The following TUBGCP4 variants were observed in gnomAD, a reference collection of about 807,000 sequenced individuals.
TUBGCP4 encodes the protein gamma-tubulin complex component 4.
A neutral mutation model predicts 91.6 loss-of-function variants in TUBGCP4; 54 were observed. That is an observed-to-expected ratio of 0.59 (90% confidence interval 0.47 to 0.74). TUBGCP4 has a LOEUF of 0.74. Ranked by LOEUF, TUBGCP4 falls within the 30% of genes least tolerant of loss-of-function variation. The pLI, the probability that TUBGCP4 is intolerant of heterozygous loss-of-function variation, is 0.00. For missense variants in TUBGCP4, 593 were observed against 800.9 expected (o/e 0.74, Z 3.13); for synonymous variants, 297 against 302.8 (o/e 0.98, Z 0.20).
rs2044865109 is a variant in TUBGCP4, at chr15:43,406,095, G to GA, written c.*887dup. ...TATTCTCCAAGAAAAAGGTCCTTAA[G>GA]AAAAAATTGAGATCAAGTTGTTAGA... On this transcript the variant is annotated 3_prime_UTR_variant, in exon 18 of 18. Coordinates refer to ENST00000564079, the MANE Select transcript of TUBGCP4 (RefSeq NM_014444.5). 1.6e-5 allele frequency: 2 copies of GA among 123,780 alleles called. No individual in the cohort carries two copies. Among genetic ancestry groups the GA allele is most frequent in the Admixed American group, 1.6e-4 (2 of 12,790 alleles). 7.7% of individuals were successfully genotyped at this position (123,780 alleles called of 1,614,324 possible).
chr15:43,409,164 A>C lies in TUBGCP4; in HGVS notation c.*3950A>C. ...TGGAAAGCTCCTAAGCAGCAGCCATAATGAGCCATGAAGAGCAGATCTGAA... is the reference window on the plus strand; with the variant it reads ...TGGAAAGCTCCTAAGCAGCAGCCATCATGAGCCATGAAGAGCAGATCTGAA... On this transcript the variant is annotated 3_prime_UTR_variant, in exon 18 of 18. Transcript: ENST00000564079. 6.8e-7 allele frequency: 1 copy of C among 1,471,264 alleles called. No individual in the cohort carries two copies. Among genetic ancestry groups the C allele is most frequent in the Non-Finnish European group, 9.5e-7 (1 of 1,057,562 alleles). The allele number at this position is 1,471,264 out of a possible 1,614,324, so 91.1% of individuals were successfully genotyped here.
chr15:43,391,679 C>T (rs2142840510), intron 9 of TUBGCP4: 2 of 152,400 alleles, frequency 1.3e-5, no homozygotes, highest in African/African-American at 4.8e-5. Context: ...TCTGCCCCAG[C>T]CTCCCAAGTA....
rs200279819 is a variant in TUBGCP4, at chr15:43,386,305, A to G, written c.989A>G (p.Asp330Gly). The G allele has an allele frequency of 7.5e-5, 115 of 1,535,642 alleles. No homozygotes were observed. The highest frequency in any genetic ancestry group is 9.4e-5 in the Non-Finnish European group (107 of 1,140,964). Reference sequence around the variant, plus strand: ...TTGGTGGACTTTGAACAGGTGGTGGATCGCATTCGCAGCACTGTGGCTGAG... The same window carrying G: ...TTGGTGGACTTTGAACAGGTGGTGGGTCGCATTCGCAGCACTGTGGCTGAG... Reference protein sequence around the residue: ...FSLVDFEQVVDRIRSTVAEHL... With the variant: ...FSLVDFEQVVGRIRSTVAEHL... The change falls in exon 9 of 18, where the codon GAT becomes GGT. Residue 330 changes from aspartate to glycine, a missense_variant. Asp to Gly is a moderately conservative substitution (Grantham distance 94, BLOSUM62 -1). Transcript: ENST00000564079.
intron 9 of TUBGCP4, among the ~76,000 whole-genome samples, chr15:43,386,590 T>G (rs2044377459): frequency 6.7e-6 from 1 of 148,928 alleles, no homozygotes; most frequent in African/African-American, 2.5e-5. Context: ...TCGGGTGTGG[T>G]GGCATGCACC....
chr15:43,383,279 C>G (rs948679045), intron 6 of TUBGCP4, 24 bp from the exon 7 acceptor site: 4 of 1,600,946 alleles, frequency 2.5e-6, no homozygotes, highest in East Asian at 2.2e-5. Flanking sequence ...GACTTCTGAG[C>G]CTCTTACTTT....
At chr15:43,376,712 G>A in intron 3 of TUBGCP4, 87 bp downstream of exon 3, 2 of 1,567,108 alleles carry the variant, frequency 1.3e-6, no homozygotes, top group African/African-American at 1.4e-5. Context: ...ATAAGATCAG[G>A]TAGTTAAGAG....
In TUBGCP4 at chr15:43,407,157, T is replaced by C. The variant is rs988431301; in HGVS notation, c.*1943T>C. 3.9e-6 allele frequency: 2 copies of C among 514,308 alleles called. No homozygotes were observed. The highest frequency in any genetic ancestry group is 7.0e-6 in the Non-Finnish European group (2 of 286,364). The allele number at this position is 514,308 out of a possible 1,614,324, so 31.9% of individuals were successfully genotyped here. ...CTGTTGAAAGACTCAGAGAAAGTAC[T>C]ATGTCTTGTCATTTGTTCTGAGATT... On this transcript the variant is annotated 3_prime_UTR_variant, in exon 18 of 18. Coordinates refer to ENST00000564079, the MANE Select transcript of TUBGCP4 (RefSeq NM_014444.5).
chr15:43,384,345 G>C (rs2044325907), intron 7 of TUBGCP4, among the ~76,000 whole-genome samples: 1 of 152,176 alleles, frequency 6.6e-6, no homozygotes, highest in Admixed American at 6.5e-5. Context: ...TGTGCTAAGG[G>C]CTCTGAAAAG....
At chr15:43,377,294 A>G (rs2044220031) in intron 4 of TUBGCP4, among the ~76,000 whole-genome samples, 1 of 152,176 alleles carries the variant, frequency 6.6e-6, no homozygotes, top group Admixed American at 6.5e-5. Flanking sequence ...CTATATGGAC[A>G]TCAGTATTAA....
intron 8 of TUBGCP4, 98 bp from the exon 9 acceptor site, chr15:43,386,108 G>T: frequency 6.5e-7 from 1 of 1,532,226 alleles, no homozygotes; most frequent in African/African-American, 1.4e-5. Context: ...TGAGAAGCAG[G>T]TGAAGTTGCT....
rs2044881323 is a variant in TUBGCP4 at position 43,406,428 on chromosome 15, T to C, written c.*1214T>C. On this transcript the variant is annotated 3_prime_UTR_variant, in exon 18 of 18. Transcript: ENST00000564079. The stretch of plus-strand genomic sequence containing the variant: ...CTACTGCTGTCTCTGGAGCAGGAGC[T>C]GGCAAACTATGGCCTGCTGTCTGTT... The C allele has an allele frequency of 2.9e-6, 1 of 346,936 alleles. No homozygotes were observed. The highest frequency in any genetic ancestry group is 3.7e-5 in the Admixed American group (1 of 27,396). 21.5% of individuals were successfully genotyped at this position (346,936 alleles called of 1,614,324 possible). A position where few individuals can be genotyped will look rare whatever the true frequency, so the allele number is the denominator to read the frequency against.
chr15:43,392,100 A>ACG (rs1261374770), intron 9 of TUBGCP4, among the ~76,000 whole-genome samples: 2 of 151,052 alleles, frequency 1.3e-5, no homozygotes, highest in African/African-American at 4.9e-5. Context: ...ACACACACAC[A>ACG]CACACACACA....
chr15:43,407,610 CAACTT>C lies in TUBGCP4; in HGVS notation c.*2398_*2402del, dbSNP rs1298578589. 4 of 1,559,306 alleles carry C rather than the reference CAACTT, an allele frequency of 2.6e-6. No homozygotes were observed. Among genetic ancestry groups the C allele is most frequent in the South Asian group, 2.3e-5 (2 of 86,352 alleles). On this transcript the variant is annotated 3_prime_UTR_variant, in exon 18 of 18. Transcript: ENST00000564079. ...GGAAAGTGAAGAAGGAAAGGACACT[CAACTT>C]AGCCCTCCATTAGAAAGAGAGATTT... is the stretch of plus-strand genomic sequence containing the variant.
At chr15:43,386,065 T>C in intron 8 of TUBGCP4, 109 bp downstream of exon 8, 1 of 1,525,110 alleles carries the variant, frequency 6.6e-7, no homozygotes, top group East Asian at 2.3e-5. Flanking sequence ...AATATTCCTA[T>C]CCTGAGATTG....
chr15:43,395,633 C>T lies in TUBGCP4; in HGVS notation c.1116C>T (p.Phe372=), dbSNP rs766708499. The part of the protein sequence containing the change: ...LLGRGELFQA[F]IDTAQHMLKT... ...GACGTGGAGAACTGTTTCAGGCCTTCATTGACACAGCTCAACACATGTTGA... is the reference window on the plus strand; with the variant it reads ...GACGTGGAGAACTGTTTCAGGCCTTTATTGACACAGCTCAACACATGTTGA... The change falls in exon 11 of 18, where the codon TTC becomes TTT. Residue 372 remains phenylalanine, a synonymous_variant. Coordinates refer to ENST00000564079, the MANE Select transcript of TUBGCP4 (RefSeq NM_014444.5). The T allele has an allele frequency of 3.1e-6, 5 of 1,614,030 alleles. No individual in the cohort carries two copies. The East Asian group carries it at 6.7e-5, about 22-fold the overall frequency.
chr15:43,376,346 ATAAGT>A, intron 2 of TUBGCP4, 120 bp downstream of exon 2: 1 of 1,598,676 alleles, frequency 6.3e-7, no homozygotes. Context: ...TTCATGTGAA[ATAAGT>A]TATGGATTTC....
Position 43,398,191 on chromosome 15 carries a change from T to TG in TUBGCP4, c.1418+13dup. The TG allele has an allele frequency of 6.2e-7, 1 of 1,607,162 alleles. No individual in the cohort carries two copies. The highest frequency in any genetic ancestry group is 8.5e-7 in the Non-Finnish European group (1 of 1,176,132). On this transcript the variant is annotated intron_variant, in intron 13 of 17. Coordinates refer to ENST00000564079, the MANE Select transcript of TUBGCP4 (RefSeq NM_014444.5). ...GCTGTCCTGGAAAAGTGAGTATTTC[T>TG]GAGTTTCTCACAGGTAAATATGACC...
At chr15:43,387,345 A>G (rs952587955) in intron 9 of TUBGCP4, among the ~76,000 whole-genome samples, 32 of 152,250 alleles carry the variant, frequency 2.1e-4, no homozygotes, top group African/African-American at 7.5e-4. Flanking sequence ...GGCTTATATT[A>G]ACATTTGTCT....
chr15:43,395,405 C>T (rs2044564515), intron 10 of TUBGCP4, 178 bp from the exon 11 acceptor site: 1 of 676,274 alleles, frequency 1.5e-6, no homozygotes, highest in African/African-American at 1.8e-5. Context: ...CAAATACACA[C>T]CAGTCATCCT....
Sources: allele counts gnomAD v4.1 joint callset (sites outside exome capture counted in the v4.1 genomes callset), GRCh38; gene constraint gnomAD v4.1.1; transcripts MANE v1.5; gene names NCBI Gene and HGNC (gene_info 2026-07-23, HGNC 2026-07-21).